GPR107: variants seen among roughly 807,000 people sequenced by gnomAD.
GPR107 encodes the protein protein GPR107.
In GPR107, 31 loss-of-function variants were observed where a neutral mutation model predicts 75.5. That is an observed-to-expected ratio of 0.41 (90% CI 0.31 to 0.55). The LOEUF (loss-of-function observed/expected upper bound fraction) is 0.55, where lower values mean the gene tolerates loss of function less well. Ranked by LOEUF, GPR107 falls within the 20% of genes least tolerant of loss-of-function variation. The probability of loss-of-function intolerance (pLI) is 0.26; values close to 1 mark genes in which losing one functional copy is unlikely to be tolerated. For synonymous variants in GPR107, 267 were observed against 251.3 expected (o/e 1.06, Z -0.59); for missense variants, 572 against 665.7 (o/e 0.86, Z 1.55).
At chr9:130,054,105 G>A (rs71501103) in intron 1 of GPR107, 32 bp downstream of exon 1, 1 of 1,469,596 alleles carries the variant, frequency 6.8e-7, no homozygotes, top group East Asian at 2.6e-5. Flanking sequence ...CCGGGGGGCG[G>A]AGGCCGAGGC....
At chr9:130,065,662 G>A (rs1029636367) in intron 1 of GPR107, among the ~76,000 whole-genome samples, 1 of 151,470 alleles carries the variant, frequency 6.6e-6, no homozygotes, top group Non-Finnish European at 1.5e-5. Flanking sequence ...AGCTACTTGG[G>A]AGGCTGAGGC....
intron 17 of GPR107, among the ~76,000 whole-genome samples, chr9:130,131,020 G>A (rs1208723046): frequency 6.6e-6 from 1 of 152,190 alleles, no homozygotes; most frequent in African/African-American, 2.4e-5. Context: ...TGCAAGGAAA[G>A]GGGGTTACTG....
intron 9 of GPR107, among the ~76,000 whole-genome samples, chr9:130,098,839 C>T (rs1830943774): frequency 6.6e-6 from 1 of 151,934 alleles, no homozygotes. Context: ...GAAACCCTGT[C>T]TCTACTAAAA....
intron 14 of GPR107, chr9:130,114,759 A>T (rs1831382971): frequency 9.8e-6 from 9 of 917,564 alleles, no homozygotes; most frequent in Admixed American, 5.9e-5. Context: ...AGGAATTTTT[A>T]AAAGTGTGAA....
At chr9:130,106,529 G>A (rs891146742) in intron 13 of GPR107, among the ~76,000 whole-genome samples, 7 of 151,626 alleles carry the variant, frequency 4.6e-5, no homozygotes, top group East Asian at 3.9e-4. Context: ...CCCAGGAGGC[G>A]GAGGTTGCAG....
At chr9:130,059,732 T>A (rs1220578941) in intron 1 of GPR107, among the ~76,000 whole-genome samples, 1 of 26,658 alleles carries the variant, frequency 3.8e-5, no homozygotes. Flanking sequence ...AGTTAATACG[T>A]CTTTTTTTTT....
chr9:130,116,374 T>C (rs901073583), intron 14 of GPR107, among the ~76,000 whole-genome samples: 16 of 152,350 alleles, frequency 1.1e-4, no homozygotes, highest in Non-Finnish European at 1.9e-4. Flanking sequence ...ACTGCAGTAT[T>C]TAGGGAAGGT....
intron 2 of GPR107, 89 bp downstream of exon 2, chr9:130,075,838 G>A (rs7038342): frequency 0.11 from 67,609 of 637,382 alleles, 6,618 homozygotes; most frequent in East Asian, 0.41. Flanking sequence ...GCTGGAGTGC[G>A]GTGGCGCAAT....
intron 1 of GPR107, among the ~76,000 whole-genome samples, chr9:130,067,982 C>T (rs1334555567): frequency 6.6e-6 from 1 of 151,938 alleles, no homozygotes; most frequent in Admixed American, 6.6e-5. Context: ...TCAAGTGATC[C>T]TCCCACCTCA....
At chr9:130,114,325 T>C (rs1831374212) in intron 14 of GPR107, among the ~76,000 whole-genome samples, 1 of 152,016 alleles carries the variant, frequency 6.6e-6, no homozygotes, top group South Asian at 2.1e-4. Flanking sequence ...ATTGAGATTG[T>C]GCCACTGCAC....
chr9:130,067,776 ACT>A (rs1379245685), intron 1 of GPR107, among the ~76,000 whole-genome samples: 2 of 97,812 alleles, frequency 2.0e-5, no homozygotes, highest in African/African-American at 8.1e-5. Flanking sequence ...AGACAGTCTC[ACT>A]CTGTCATCCA....
chr9:130,078,853 G>C (rs867118124), intron 4 of GPR107, among the ~76,000 whole-genome samples: 7 of 152,230 alleles, frequency 4.6e-5, no homozygotes, highest in Admixed American at 1.3e-4. Flanking sequence ...TCCTGGGTGG[G>C]ATGGGGTAAA....
At chr9:130,066,382 G>C (rs762606881) in intron 1 of GPR107, among the ~76,000 whole-genome samples, 2 of 92,648 alleles carry the variant, frequency 2.2e-5, no homozygotes, top group Non-Finnish European at 4.5e-5. Flanking sequence ...TTATGATTGC[G>C]CATTGATGAT....
intron 5 of GPR107, among the ~76,000 whole-genome samples, chr9:130,081,566 A>G (rs1246875665): frequency 6.6e-6 from 1 of 151,960 alleles, no homozygotes; most frequent in Non-Finnish European, 1.5e-5. Context: ...TCAGCTACTC[A>G]GGAGACTGAG....
At chr9:130,129,430 G>A (rs1831765511) in intron 17 of GPR107, 1 of 152,290 alleles carries the variant, frequency 6.6e-6, no homozygotes, top group Admixed American at 6.5e-5. Flanking sequence ...CTGGTATCAA[G>A]TGTTCTGCCC....
Position 130,075,743 on chromosome 9 carries a change from T to A in GPR107, c.249T>A (p.Asp83Glu). 6.7e-7 allele frequency: 1 copy of A among 1,495,120 alleles called. No homozygotes were observed. Among genetic ancestry groups the A allele is most frequent in the Non-Finnish European group, 9.3e-7 (1 of 1,071,280 alleles). The allele number at this position is 1,495,120 out of a possible 1,614,324, so 92.6% of individuals were successfully genotyped here. The stretch of plus-strand genomic sequence containing the variant: ...CACTGAATGAGCCTGAAGACAAGGA[T>A]GTGACTGTAAGTACCTTTTAATGAG... ...SLSLNEPEDK[D>E]VTIGFSLDRT... is the part of the protein sequence containing the mutation. The change falls in exon 2 of 18, where the codon GAT becomes GAA. Residue 83 changes from aspartate (D) to glutamate (E), a missense_variant. By Grantham distance (45) the Asp-to-Glu change is conservative. Coordinates refer to ENST00000347136, the MANE Select transcript of GPR107 (RefSeq NM_020960.5).
At chr9:130,125,850 C>A (rs1831664523) in intron 15 of GPR107, among the ~76,000 whole-genome samples, 1 of 151,864 alleles carries the variant, frequency 6.6e-6, no homozygotes. Context: ...GAGATCGAGA[C>A]CATCCTGTCC....
At chr9:130,128,258 G>A (rs984893923) in intron 16 of GPR107, among the ~76,000 whole-genome samples, 1 of 152,088 alleles carries the variant, frequency 6.6e-6, no homozygotes, top group Admixed American at 6.6e-5. Flanking sequence ...TTATTATTTC[G>A]ATAATAAGTA....
At chr9:130,107,342 C>A (rs954489086) in intron 13 of GPR107, among the ~76,000 whole-genome samples, 154 bp from the exon 14 acceptor site, 6 of 152,308 alleles carry the variant, frequency 3.9e-5, no homozygotes, top group Non-Finnish European at 7.3e-5. Flanking sequence ...CCATTTCCCC[C>A]CCTCTACCCG....
Sources: allele counts gnomAD v4.1 joint callset (sites outside exome capture counted in the v4.1 genomes callset), GRCh38; gene constraint gnomAD v4.1.1; transcripts MANE v1.5; gene names NCBI Gene and HGNC (gene_info 2026-07-23, HGNC 2026-07-21).